Variants in MKI67 observed in about 807,000 individuals in gnomAD.
MKI67 encodes the protein proliferation marker protein Ki-67.
Under a neutral mutation model 233.5 loss-of-function variants are expected in MKI67, and 152 were observed. That is an observed-to-expected ratio of 0.65 (90% CI 0.57 to 0.74). The LOEUF (loss-of-function observed/expected upper bound fraction) is 0.74, where lower values mean the gene tolerates loss of function less well. Ranked by LOEUF, MKI67 falls within the 30% of genes least tolerant of loss-of-function variation. MKI67 has a pLI of 0.00. For synonymous variants in MKI67, 1,465 were observed against 1,418.5 expected (o/e 1.03, Z -0.74); for missense variants, 3,940 against 3,885.2 (o/e 1.01, Z -0.37).
rs780984528 is a variant in MKI67 at position 128,106,857 on chromosome 10, G to GTGTGTT, written c.4982_4983insAACACA (p.Thr1660_His1661insGlnThr). ...CATCTCCTGTTGGCTCTGTGTGTGT[G>GTGTGTT]TGTGTAGTCTCTCCTGATGTCTGTG... On this transcript the variant is annotated inframe_insertion, in exon 13 of 15. Coordinates refer to ENST00000368654, the MANE Select transcript of MKI67 (RefSeq NM_002417.5). The GTGTGTT allele has an allele frequency of 1.2e-6, 2 of 1,614,160 alleles. No homozygotes were observed. Among genetic ancestry groups the GTGTGTT allele is most frequent in the South Asian group, 2.2e-5 (2 of 91,086 alleles).
chr10:128,101,935 T>C (rs1198783771), intron 13 of MKI67, among the ~76,000 whole-genome samples: 1 of 152,242 alleles, frequency 6.6e-6, no homozygotes, highest in Non-Finnish European at 1.5e-5. Flanking sequence ...GAATTCAGGA[T>C]AAATTTCAAT....
In MKI67 at chr10:128,102,568, C is replaced by T. The variant is rs1852357332; in HGVS notation, c.9261+11G>A. ...GACGATATTGAGTGATGCTGTAATACTTCCTCTCACCTTATTTTCAGGGAC... is the reference window on the plus strand; with the variant it reads ...GACGATATTGAGTGATGCTGTAATATTTCCTCTCACCTTATTTTCAGGGAC... On this transcript the variant is annotated intron_variant, in intron 13 of 14. Coordinates refer to ENST00000368654, the MANE Select transcript of MKI67 (RefSeq NM_002417.5). 1 of 1,610,310 alleles carries T rather than the reference C, an allele frequency of 6.2e-7. No homozygotes were observed. Among genetic ancestry groups the T allele is most frequent in the African/African-American group, 1.3e-5 (1 of 74,764 alleles).
At position 128,125,468 on chromosome 10, in the gene MKI67, A is replaced by C; in HGVS notation, c.92+108T>G. The C allele has an allele frequency of 1.2e-6, 1 of 840,532 alleles. No individual in the cohort carries two copies. The highest frequency in any genetic ancestry group is 2.0e-6 in the Non-Finnish European group (1 of 500,622). The allele number at this position is 840,532 out of a possible 1,614,324, so 52.1% of individuals were successfully genotyped here. On this transcript the variant is annotated intron_variant, in intron 2 of 14. Coordinates refer to ENST00000368654, the MANE Select transcript of MKI67 (RefSeq NM_002417.5). The surrounding 1 kb of genome is among the most constrained non-coding windows in gnomAD (Gnocchi z 5.3). ...AACGAATGGGAGAAGCACCAAGGAA[A>C]AGTGACGGCAGGACCCAATCCTAGA...
chr10:128,109,525 C>T (rs1397671101), intron 12 of MKI67, 102 bp from the exon 13 acceptor site: 68 of 1,292,694 alleles, frequency 5.3e-5, no homozygotes, highest in Non-Finnish European at 6.5e-5. Context: ...TATTTAGCTT[C>T]GTATTCACTG....
At chr10:128,119,174 G>A (rs1852872874) in intron 5 of MKI67, 79 bp downstream of exon 5, 12 of 1,053,674 alleles carry the variant, frequency 1.1e-5, no homozygotes, top group Non-Finnish European at 1.7e-5. Context: ...CTGATTTCAA[G>A]TAAGAAATCA....
In MKI67 at chr10:128,107,214, T is replaced by C; in HGVS notation, c.4626A>G (p.Lys1542=). 1 of 1,614,036 alleles carries C rather than the reference T, an allele frequency of 6.2e-7. No individual in the cohort carries two copies. Among genetic ancestry groups the C allele is most frequent in the Non-Finnish European group, 8.5e-7 (1 of 1,180,012 alleles). ...PSAGKAMHTP[K]PAVSGEKNIY... is the part of the protein sequence containing the mutation. ...TGTTTTTCTCACCACTTACTGCTGG[T>C]TTGGGTGTGTGCATGGCTTTGCCTG... The change falls in exon 13 of 15, where the codon AAA becomes AAG. Residue 1542 remains lysine (K), a synonymous_variant. Coordinates refer to ENST00000368654, the MANE Select transcript of MKI67 (RefSeq NM_002417.5).
rs371707030 is a variant in MKI67 at position 128,105,516 on chromosome 10, T to C, written c.6324A>G (p.Pro2108=). Residue 2108 remains proline (P), a synonymous_variant, in exon 13 of 15, where the codon CCA becomes CCG. Coordinates refer to ENST00000368654, the MANE Select transcript of MKI67 (RefSeq NM_002417.5). The part of the protein sequence containing the change: ...TTKIACKSPP[P]ESMDTPTSTR... ...TGCTTGTTGGAGTGTCCATTGATTC[T>C]GGTGGTGGAGATTTGCAGGCTATTT... 7 of 1,614,000 alleles carry C rather than the reference T, an allele frequency of 4.3e-6. No individual in the cohort carries two copies. The African/African-American group carries it at 8.0e-5, about 18-fold the overall frequency.
Position 128,103,689 on chromosome 10 carries a change from TG to T in MKI67, c.8150del (p.Thr2717LysfsTer17). The part of the protein sequence containing the change: ...ESPPLEVVDT[T>X]ASTKRHLRTR... ...TCCTGAGATGCCTCTTTGTGCTTGC[TG>T]TGGTGTCTACCACTTCTAGTGGGGG... On this transcript the variant is annotated frameshift_variant, in exon 13 of 15. Coordinates refer to ENST00000368654, the MANE Select transcript of MKI67 (RefSeq NM_002417.5). LOFTEE classifies it high-confidence loss of function. The T allele has an allele frequency of 6.2e-7, 1 of 1,614,192 alleles. No individual in the cohort carries two copies. Among genetic ancestry groups the T allele is most frequent in the Non-Finnish European group, 8.5e-7 (1 of 1,180,026 alleles).
chr10:128,097,326 TAAACAC>T lies in MKI67; in HGVS notation c.*1858_*1863del, dbSNP rs774536014. ...TTGTGTAGAAGTGGTGTTCATCTAT[TAAACAC>T]GGGGGTAGCCCTTAAATGAACATTT... On this transcript the variant is annotated 3_prime_UTR_variant, in exon 15 of 15. Coordinates refer to ENST00000368654, the MANE Select transcript of MKI67 (RefSeq NM_002417.5). 6.6e-6 allele frequency: 1 copy of T among 152,110 alleles called. No homozygotes were observed. The highest frequency in any genetic ancestry group is 1.5e-5 in the Non-Finnish European group (1 of 68,026). The allele number at this position is 152,110 out of a possible 1,614,324, so 9.4% of individuals were successfully genotyped here.
At position 128,102,780 on chromosome 10, in the gene MKI67, T is replaced by C; in HGVS notation, c.9060A>G (p.Glu3020=). The change falls in exon 13 of 15, where the codon GAA becomes GAG. Residue 3020 remains glutamate (E), a synonymous_variant. Coordinates refer to ENST00000368654, the MANE Select transcript of MKI67 (RefSeq NM_002417.5). ...TGCTGGCTGGCAGCTCCTCCACAAT[T>C]TCCTCTGGTGCTGGCATGCAGCGCA... ...KRLRCMPAPE[E]IVEELPASKK... is the part of the protein sequence containing the mutation. 1 of 1,614,216 alleles carries C rather than the reference T, an allele frequency of 6.2e-7. No individual in the cohort carries two copies.
rs911394449 is a variant in MKI67, at chr10:128,097,426, C to A, written c.*1764G>T. The A allele has an allele frequency of 1.3e-5, 2 of 152,030 alleles. No individual in the cohort carries two copies. Among genetic ancestry groups the A allele is most frequent in the Non-Finnish European group, 2.9e-5 (2 of 68,014 alleles). 9.4% of individuals were successfully genotyped at this position (152,030 alleles called of 1,614,324 possible). ...GCGTGCTCTTGAAATACTGTACTTA[C>A]CAGGGTGAGAAAAGGTGCTGACATA... On this transcript the variant is annotated 3_prime_UTR_variant, in exon 15 of 15. Transcript: ENST00000368654.
In MKI67 at chr10:128,125,611, G is replaced by A. The variant is rs1853038726; in HGVS notation, c.57C>T (p.His19=). The A allele has an allele frequency of 1.2e-6, 2 of 1,613,532 alleles. No individual in the cohort carries two copies. The highest frequency in any genetic ancestry group is 8.5e-7 in the Non-Finnish European group (1 of 1,179,846). ...TIKRSGVDGP[H]FPLSLSTCLF... The stretch of plus-strand genomic sequence containing the variant: ...AGCAGGTGCTGAGGCTCAGGGGAAA[G>A]TGGGGACCGTCGACCCCGCTCCTTT... Residue 19 remains histidine (H), a synonymous_variant, in exon 2 of 15, where the codon CAC becomes CAT. Transcript: ENST00000368654. This position sits in a 1 kb window ranked among gnomAD's most constrained non-coding sequence, Gnocchi z 5.3.
Position 128,109,245 on chromosome 10 carries a change from AGGCTCT to A in MKI67, c.2589_2594del (p.Glu864_Pro865del), listed in dbSNP as rs777732961. On this transcript the variant is annotated inframe_deletion, in exon 13 of 15. Transcript: ENST00000368654. ...TGTTTGCAGTGGATACTGTTTTTGA[AGGCTCT>A]GTCTCAGTATCTGAAGTTTTTGTCT... The A allele has an allele frequency of 1.2e-6, 2 of 1,614,102 alleles. No homozygotes were observed. Among genetic ancestry groups the A allele is most frequent in the South Asian group, 2.2e-5 (2 of 91,076 alleles).
intron 6 of MKI67, 106 bp from the exon 7 acceptor site, chr10:128,116,113 G>C (rs1852802119): frequency 1.5e-6 from 2 of 1,317,996 alleles, no homozygotes; most frequent in African/African-American, 2.9e-5. Flanking sequence ...TTATAAGCTA[G>C]CTTTTACTTG....
chr10:128,121,083 A>T (rs891990375), intron 4 of MKI67, among the ~76,000 whole-genome samples: 4 of 152,040 alleles, frequency 2.6e-5, no homozygotes, highest in African/African-American at 7.2e-5. Context: ...GGAAACATTA[A>T]GCAGAAAAGA....
rs1227345246 is a variant in MKI67 at position 128,103,374 on chromosome 10, T to C, written c.8466A>G (p.Lys2822=). The change falls in exon 13 of 15, where the codon AAA becomes AAG. Residue 2822 remains lysine, a synonymous_variant. Coordinates refer to ENST00000368654, the MANE Select transcript of MKI67 (RefSeq NM_002417.5). The part of the protein sequence containing the change: ...EESMTDDKTT[K]IPCKSSPELE... ...GTTCTGGTGATGATTTGCAGGGTAT[T>C]TTAGTGGTTTTGTCATCAGTCATTG... 1.1e-5 allele frequency: 18 copies of C among 1,613,928 alleles called. No homozygotes were observed. The highest frequency in any genetic ancestry group is 1.4e-5 in the Non-Finnish European group (17 of 1,180,018).
Position 128,105,271 on chromosome 10 carries a change from G to T in MKI67, c.6569C>A (p.Pro2190His). 6.2e-7 allele frequency: 1 copy of T among 1,614,122 alleles called. No homozygotes were observed. Among genetic ancestry groups the T allele is most frequent in the Middle Eastern group, 1.6e-4 (1 of 6,062 alleles). The change falls in exon 13 of 15, where the codon CCC becomes CAC. Residue 2190 changes from proline to histidine, a missense_variant. Coordinates refer to ENST00000368654, the MANE Select transcript of MKI67 (RefSeq NM_002417.5). ...QPRTPKGKAQPLEDLAGLKEL... is the reference protein window; with the variant it reads ...QPRTPKGKAQHLEDLAGLKEL... The stretch of plus-strand genomic sequence containing the variant: ...TTTCAAGCCAGCCAAGTCTTCTAGG[G>T]GTTGGGCTTTTCCCTTAGGAGTTCT...
In MKI67 at chr10:128,115,552, G is replaced by A. The variant is rs1852783802; in HGVS notation, c.856C>T (p.Leu286=). The change falls in exon 7 of 15, where the codon CTG becomes TTG. Residue 286 remains leucine, a synonymous_variant. Transcript: ENST00000368654. ...GGTCTTGACTTACGCGAGACCAACA[G>A]TTGGGTCTCCCCCTGTAAACCATCA... ...SADGLQGETQ[L]LVSRKSRPKS... is the part of the protein sequence containing the mutation. The A allele has an allele frequency of 6.2e-7, 1 of 1,614,106 alleles. No individual in the cohort carries two copies. Among genetic ancestry groups the A allele is most frequent in the African/African-American group, 1.3e-5 (1 of 74,936 alleles).
At chr10:128,119,804 T>G (rs548143378) in intron 4 of MKI67, among the ~76,000 whole-genome samples, 13 of 152,330 alleles carry the variant, frequency 8.5e-5, no homozygotes, top group African/African-American at 2.9e-4. Context: ...CAAACCTATA[T>G]TTTAGAACAC....
Sources: allele counts gnomAD v4.1 joint callset (sites outside exome capture counted in the v4.1 genomes callset), GRCh38; gene constraint gnomAD v4.1.1; non-coding constraint Gnocchi (gnomAD v3.1); transcripts MANE v1.5; gene names NCBI Gene and HGNC (gene_info 2026-07-23, HGNC 2026-07-21).